Variants in TMEM132D observed in about 807,000 individuals in gnomAD.
TMEM132D encodes mature OL transmembrane protein.
TMEM132D carries 21 observed loss-of-function variants against 62.3 expected under a neutral mutation model. The ratio of observed to expected loss-of-function variants is 0.34; its 90% CI spans 0.24 to 0.49. The LOEUF (loss-of-function observed/expected upper bound fraction) is 0.49, where lower values mean the gene tolerates loss of function less well. TMEM132D is among the 20% of genes least tolerant of loss of function. The pLI is 0.99. For synonymous variants in TMEM132D, 621 were observed against 575.6 expected, an observed-to-expected ratio of 1.08 and a Z score of -1.13; for missense variants, 1,346 against 1,402.8, an observed-to-expected ratio of 0.96 and a Z score of 0.65.
intron 4 of TMEM132D, among the ~76,000 whole-genome samples, chr12:129,234,443 T>C (rs371978142): frequency 5.3e-5 from 8 of 152,330 alleles, no homozygotes; most frequent in Non-Finnish European, 8.8e-5. Context: ...CAGGAGAATT[T>C]ATGTTAATGC....
At chr12:129,482,656 T>C (rs951585560) in intron 3 of TMEM132D, among the ~76,000 whole-genome samples, 28 of 152,152 alleles carry the variant, frequency 1.8e-4, no homozygotes, top group Admixed American at 1.8e-3. Context: ...TACAGCAAAA[T>C]AGCTTTTTAA....
intron 2 of TMEM132D, among the ~76,000 whole-genome samples, chr12:129,588,989 T>C (rs1247141025): frequency 6.6e-6 from 1 of 152,120 alleles, no homozygotes; most frequent in Non-Finnish European, 1.5e-5. Context: ...AGAAACCTTC[T>C]TGCAGTGGTT....
At chr12:129,720,672 C>T (rs1475352750) in intron 1 of TMEM132D, among the ~76,000 whole-genome samples, 1 of 152,144 alleles carries the variant, frequency 6.6e-6, no homozygotes. Context: ...GACCTCCACT[C>T]CAGACACACC....
rs33996084 is a variant in TMEM132D, at chr12:129,580,731, A to AAATC, written c.969-49527_969-49526insGATT. Among the ~76,000 whole-genome samples the AAATC allele has an allele frequency of 2.4e-3, 12 of 5,032 alleles. No homozygotes were observed. The Admixed American group carries it at 0.04, about 17-fold the overall frequency. 3.3% of individuals were successfully genotyped at this position (5,032 alleles called of 152,430 possible). On this transcript the variant is annotated intron_variant, in intron 2 of 8. Transcript: ENST00000422113. Reference sequence around the variant, plus strand: ...AATAAATAAATAAATAAGTAAATAAAAATAAATAAATAAATAAATAAATAA... The same window carrying AAATC: ...AATAAATAAATAAATAAGTAAATAAAAATCAATAAATAAATAAATAAATAAATAA...
chr12:129,076,103 C>T (rs1411892596), intron 8 of TMEM132D, among the ~76,000 whole-genome samples: 1 of 152,080 alleles, frequency 6.6e-6, no homozygotes, highest in Non-Finnish European at 1.5e-5. Context: ...CTCTCTCTCT[C>T]GAACTTGAAA....
intron 5 of TMEM132D, among the ~76,000 whole-genome samples, chr12:129,144,227 C>T (rs1232340852): frequency 6.6e-6 from 1 of 152,086 alleles, no homozygotes; most frequent in Admixed American, 6.5e-5. Flanking sequence ...GGAAAATATA[C>T]ACAAGGAATT....
intron 5 of TMEM132D, among the ~76,000 whole-genome samples, chr12:129,147,121 T>C (rs1441341488): frequency 6.6e-6 from 1 of 152,010 alleles, no homozygotes; most frequent in Non-Finnish European, 1.5e-5. Context: ...TTTGCCCATT[T>C]GCCTTATTTT....
chr12:129,289,442 G>T (rs1279161234), intron 4 of TMEM132D, among the ~76,000 whole-genome samples: 2 of 151,534 alleles, frequency 1.3e-5, no homozygotes, highest in African/African-American at 4.9e-5. Context: ...TACACAGAAG[G>T]CTGAGGAAGG....
intron 3 of TMEM132D, among the ~76,000 whole-genome samples, chr12:129,449,743 A>G (rs1193133114): frequency 6.6e-6 from 1 of 152,194 alleles, no homozygotes; most frequent in Non-Finnish European, 1.5e-5. Context: ...TAAGTTTGAT[A>G]TCGTGTGGTC....
intron 4 of TMEM132D, among the ~76,000 whole-genome samples, chr12:129,264,479 A>T (rs1357703233): frequency 6.6e-6 from 1 of 152,210 alleles, no homozygotes; most frequent in African/African-American, 2.4e-5. Flanking sequence ...GGGAATGTAA[A>T]CTAGTGCAGC....
At chr12:129,781,317 A>C (rs1388569909) in intron 1 of TMEM132D, among the ~76,000 whole-genome samples, 5 of 152,210 alleles carry the variant, frequency 3.3e-5, no homozygotes, top group Non-Finnish European at 7.3e-5. Context: ...CCAATCAGAC[A>C]GGCACTGCAA....
intron 5 of TMEM132D, among the ~76,000 whole-genome samples, chr12:129,199,074 T>C (rs1878621606): frequency 6.6e-6 from 1 of 151,566 alleles, no homozygotes; most frequent in African/African-American, 2.4e-5. Flanking sequence ...ACAATTTCTA[T>C]TCTCATTGCT....
chr12:129,226,756 G>T (rs570332520), intron 4 of TMEM132D, among the ~76,000 whole-genome samples: 34 of 152,232 alleles, frequency 2.2e-4, no homozygotes, highest in Admixed American at 6.5e-4. Context: ...CATTTGCAGG[G>T]TGCACTGGCC....
chr12:129,603,970 C>G (rs1041610767), intron 2 of TMEM132D, among the ~76,000 whole-genome samples: 3 of 152,138 alleles, frequency 2.0e-5, no homozygotes, highest in African/African-American at 7.2e-5. Context: ...ACATATACAC[C>G]AAGGAATACT....
intron 3 of TMEM132D, among the ~76,000 whole-genome samples, chr12:129,428,791 C>T (rs140501014): frequency 3.2e-4 from 49 of 152,258 alleles, no homozygotes; most frequent in African/African-American, 1.2e-3. Context: ...TTGATGAGAA[C>T]CATGAATTAA....
chr12:129,232,710 A>C (rs1198225658), intron 4 of TMEM132D, among the ~76,000 whole-genome samples: 3 of 152,214 alleles, frequency 2.0e-5, no homozygotes, highest in Non-Finnish European at 4.4e-5. Context: ...ATTTATAAAC[A>C]AAAGAGGTTT....
intron 5 of TMEM132D, among the ~76,000 whole-genome samples, chr12:129,167,920 G>A (rs1412447370): frequency 2.6e-5 from 4 of 151,902 alleles, no homozygotes; most frequent in Non-Finnish European, 5.9e-5. Flanking sequence ...TGTCACCATC[G>A]AGAAATGTTT....
At chr12:129,862,094 T>C (rs916149816) in intron 1 of TMEM132D, among the ~76,000 whole-genome samples, 2 of 152,224 alleles carry the variant, frequency 1.3e-5, no homozygotes, top group Non-Finnish European at 2.9e-5. Flanking sequence ...ATCTGAGTCA[T>C]GATAAAGCTG....
At chr12:129,752,651 A>G (rs903804343) in intron 1 of TMEM132D, among the ~76,000 whole-genome samples, 2 of 152,220 alleles carry the variant, frequency 1.3e-5, no homozygotes, top group South Asian at 4.1e-4. Flanking sequence ...TTAGGGAGGA[A>G]GTTTCACCTA....
Sources: allele counts gnomAD v4.1 joint callset (sites outside exome capture counted in the v4.1 genomes callset), GRCh38; gene constraint gnomAD v4.1.1; transcripts MANE v1.5; gene names NCBI Gene and HGNC (gene_info 2026-07-23, HGNC 2026-07-21).